Variants in BBOF1 observed in about 807,000 individuals in gnomAD.
BBOF1 encodes the protein basal body orientation factor 1.
Under a neutral mutation model 68.0 loss-of-function variants are expected in BBOF1, and 62 were observed. That is an observed-to-expected ratio of 0.91 (90% confidence interval 0.74 to 1.13). The LOEUF is 1.13. BBOF1 is among the 50% of genes most tolerant of loss of function. The pLI, the probability that BBOF1 is intolerant of heterozygous loss-of-function variation, is 0.00. For missense variants in BBOF1, 534 were observed against 600.1 expected (o/e 0.89, Z 1.15); for synonymous variants, 208 against 198.8 (o/e 1.05, Z -0.39).
intron 2 of BBOF1, among the ~76,000 whole-genome samples, chr14:74,028,475 C>T (rs1400637192): frequency 1.0e-5 from 1 of 96,526 alleles, no homozygotes; most frequent in East Asian, 1.2e-3. Flanking sequence ...AATACACACA[C>T]ACACACACAC....
chr14:74,044,360 T>TGA (rs1241074334), intron 5 of BBOF1, among the ~76,000 whole-genome samples: 1 of 152,164 alleles, frequency 6.6e-6, no homozygotes, highest in Non-Finnish European at 1.5e-5. Context: ...AGTCTATTAA[T>TGA]TCTTTTTATT....
At chr14:74,053,150 C>T (rs1243919933) in intron 8 of BBOF1, among the ~76,000 whole-genome samples, 2 of 152,034 alleles carry the variant, frequency 1.3e-5, no homozygotes, top group Non-Finnish European at 2.9e-5. Context: ...GAATCTCACT[C>T]TGTCGCCAGG....
chr14:74,056,768 C>T (rs554285689), intron 9 of BBOF1, 138 bp from the exon 10 acceptor site: 15 of 634,548 alleles, frequency 2.4e-5, no homozygotes, highest in Middle Eastern at 4.2e-4. Flanking sequence ...AAACATCTCA[C>T]GTACCCCACA....
chr14:74,034,063 G>A lies in BBOF1; in HGVS notation c.387G>A (p.Glu129=). The A allele has an allele frequency of 6.2e-7, 1 of 1,606,798 alleles. No individual in the cohort carries two copies. The highest frequency in any genetic ancestry group is 8.5e-7 in the Non-Finnish European group (1 of 1,177,126). The change falls in exon 4 of 12, where the codon GAG becomes GAA. Residue 129 remains glutamate, a synonymous_variant. Transcript: ENST00000394009. Reference sequence around the variant, plus strand: ...ATACCAGGCAAATTAATGAACTAGAGGGACAGTTCCATCAAAAAGCCAAAG... The same window carrying A: ...ATACCAGGCAAATTAATGAACTAGAAGGACAGTTCCATCAAAAAGCCAAAG... ...QKYTRQINEL[E]GQFHQKAKEI... is the part of the protein sequence containing the mutation.
Position 74,040,749 on chromosome 14 carries a change from G to T in BBOF1, c.576+104G>T, listed in dbSNP as rs1212705237. On this transcript the variant is annotated intron_variant, in intron 5 of 11. Coordinates refer to ENST00000394009, the MANE Select transcript of BBOF1 (RefSeq NM_025057.3). Reference sequence around the variant, plus strand: ...CCTTCCATTTGGTATCTTAATAGAAGATTAGAAGATTGTTACCAAATTATA... The same window carrying T: ...CCTTCCATTTGGTATCTTAATAGAATATTAGAAGATTGTTACCAAATTATA... 4 of 650,042 alleles carry T rather than the reference G, an allele frequency of 6.2e-6. No individual in the cohort carries two copies. In the South Asian group the frequency reaches 9.5e-5, roughly 15 times the overall value. 40.3% of individuals were successfully genotyped at this position (650,042 alleles called of 1,614,324 possible).
downstream of BBOF1, chr14:74,069,039 A>G (rs1217782588): frequency 3.1e-6 from 5 of 1,587,618 alleles, no homozygotes; most frequent in Non-Finnish European, 4.3e-6. Context: ...TCAACATGGC[A>G]AATTTCCCCT....
At chr14:74,038,554 T>G (rs550379157) in intron 4 of BBOF1, among the ~76,000 whole-genome samples, 1 of 152,258 alleles carries the variant, frequency 6.6e-6, no homozygotes, top group East Asian at 1.9e-4. Context: ...TGTGGCAGAA[T>G]TGTGGCAGGT....
intron 5 of BBOF1, among the ~76,000 whole-genome samples, chr14:74,041,932 G>A (rs149269348): frequency 0.029 from 4,425 of 152,174 alleles, 214 homozygotes; most frequent in African/African-American, 0.1. Flanking sequence ...AGCTACTCAG[G>A]AGGCTGAGAC....
chr14:74,048,783 T>C (rs1335504179), intron 7 of BBOF1, among the ~76,000 whole-genome samples: 1 of 152,062 alleles, frequency 6.6e-6, no homozygotes, highest in African/African-American at 2.4e-5. Flanking sequence ...GTTTTATTAC[T>C]ATGGAGGAAA....
At chr14:74,035,350 C>T (rs2059670292) in intron 4 of BBOF1, among the ~76,000 whole-genome samples, 1 of 150,880 alleles carries the variant, frequency 6.6e-6, no homozygotes, top group South Asian at 2.1e-4. Context: ...TCCAAGGAGG[C>T]ACATTCAAGT....
chr14:74,028,741 C>G (rs1025456210), intron 2 of BBOF1, among the ~76,000 whole-genome samples: 1 of 150,756 alleles, frequency 6.6e-6, no homozygotes, highest in African/African-American at 2.4e-5. Context: ...CAGAGTCTTG[C>G]TCTGTCACCC....
In BBOF1 at chr14:74,060,663, G is replaced by C. The variant is rs773699797; in HGVS notation, c.1578+3405G>C. On this transcript the variant is annotated intron_variant, in intron 11 of 11. Transcript: ENST00000394009. The stretch of plus-strand genomic sequence containing the variant: ...GTTTCTAACGGCCCATGGTAGGCAT[G>C]ACAACAGCAGGTGAGGAAAGAGTAG... 5.0e-6 allele frequency: 8 copies of C among 1,612,632 alleles called. No individual in the cohort carries two copies. The South Asian group carries it at 6.6e-5, about 13-fold the overall frequency.
chr14:74,024,295 A>G (rs867410623), intron 2 of BBOF1, among the ~76,000 whole-genome samples: 10 of 151,998 alleles, frequency 6.6e-5, no homozygotes, highest in Middle Eastern at 3.2e-3. Context: ...CAGTCTCTAC[A>G]CAAAGTAAAA....
At chr14:74,033,842 G>C (rs898008478) in intron 3 of BBOF1, among the ~76,000 whole-genome samples, 186 bp from the exon 4 acceptor site, 8 of 151,502 alleles carry the variant, frequency 5.3e-5, no homozygotes, top group Middle Eastern at 3.4e-3. Flanking sequence ...CTCCAGCCTG[G>C]GCGACAGAGC....
intron 9 of BBOF1, among the ~76,000 whole-genome samples, chr14:74,075,290 T>A (rs1442784304): frequency 1.3e-5 from 2 of 152,122 alleles, no homozygotes; most frequent in Non-Finnish European, 2.9e-5. Flanking sequence ...GCCTGGCAAA[T>A]GTACCATAAA....
chr14:74,042,822 C>T (rs1311281360), intron 5 of BBOF1, among the ~76,000 whole-genome samples: 1 of 150,410 alleles, frequency 6.6e-6, no homozygotes, highest in Non-Finnish European at 1.5e-5. Flanking sequence ...TCTCTCTCTT[C>T]CTCTTTCTCT....
At chr14:74,072,255 AATACTGAAGTGTCTGCCC>A in intron 9 of BBOF1, 2 of 1,614,254 alleles carry the variant, frequency 1.2e-6, no homozygotes, top group Non-Finnish European at 1.7e-6. Context: ...CTGGCGGCTT[AATACTGAAGTGTCTGCCC>A]ATGCAGGAAA....
chr14:74,068,802 T>G (rs954047020), downstream of BBOF1: 2 of 1,597,380 alleles, frequency 1.3e-6, no homozygotes, highest in African/African-American at 2.7e-5. Context: ...GAAGGTCTGT[T>G]CCTAGGTAAT....
In BBOF1 at chr14:74,072,620, AAC is replaced by A. The variant is rs558581627; in HGVS notation, n.1380-5574_1380-5573del. ...AAGAGCTTTACAGTTGGCTGAAAAA[AAC>A]AAACAAACAAACAAACAAACAAAAA... On this transcript the variant is annotated intron_variant and non_coding_transcript_variant, in intron 9 of 12. Coordinates refer to the BBOF1 transcript ENST00000492026. 1,128 of 1,547,326 alleles carry A rather than the reference AAC, an allele frequency of 7.3e-4. 16 individuals are homozygous for A. The South Asian group carries it at 0.011, about 16-fold the overall frequency.
Sources: gnomAD v4.1 joint callset for allele counts (sites outside exome capture counted in the v4.1 genomes callset) on GRCh38, gnomAD v4.1.1 for gene constraint, MANE v1.5 for transcripts, NCBI Gene and HGNC (gene_info 2026-07-23, HGNC 2026-07-21) for gene names.